The following CNPY1 variants were observed in gnomAD, a reference collection of about 807,000 sequenced individuals.
CNPY1 encodes canopy FGF signaling regulator 1.
In CNPY1, 14 loss-of-function variants were observed where a neutral mutation model predicts 14.4. That is an observed-to-expected ratio of 0.97 (90% CI 0.64 to 1.52). The LOEUF is 1.52. Ranked by LOEUF, CNPY1 falls within the 40% of genes most tolerant of loss-of-function variation. The pLI, the probability that CNPY1 is intolerant of heterozygous loss-of-function variation, is 0.00. For missense variants in CNPY1, 129 were observed against 131.5 expected (o/e 0.98, Z 0.09); for synonymous variants, 43 against 46.5 (o/e 0.92, Z 0.31).
rs1797020356 is a variant in CNPY1, at chr7:155,536,126, A to G, written c.99+9705T>C. ...CCTGGCGGGGTCAGAGGCAGTGGGG[A>G]TCCAGGTGCCATTTGAAATGGGATG... On this transcript the variant is annotated intron_variant, in intron 2 of 4. Coordinates refer to ENST00000636446, the MANE Select transcript of CNPY1 (RefSeq NM_001393663.1). This position sits in a 1 kb window ranked among gnomAD's most constrained non-coding sequence, Gnocchi z 4.1. 1.3e-5 allele frequency among the ~76,000 whole-genome samples: 2 copies of G among 152,042 alleles called. No individual in the cohort carries two copies. Among genetic ancestry groups the G allele is most frequent in the South Asian group, 4.2e-4 (2 of 4,808 alleles).
At chr7:155,538,248 C>T (rs1273660287) in intron 2 of CNPY1, among the ~76,000 whole-genome samples, 2 of 152,226 alleles carry the variant, frequency 1.3e-5, no homozygotes, top group African/African-American at 4.8e-5. Flanking sequence ...GGGGTGATCC[C>T]TGAAACTCCT....
At chr7:155,523,776 A>G (rs1360094584) in intron 2 of CNPY1, among the ~76,000 whole-genome samples, 1 of 152,212 alleles carries the variant, frequency 6.6e-6, no homozygotes, top group Non-Finnish European at 1.5e-5. Flanking sequence ...ATGTGACCTT[A>G]TTCAGAAAAA....
chr7:155,535,559 A>G (rs933244077), intron 2 of CNPY1, among the ~76,000 whole-genome samples: 1 of 152,208 alleles, frequency 6.6e-6, no homozygotes, highest in Non-Finnish European at 1.5e-5. Context: ...GAAGCCGGGA[A>G]TGAACAGAGC....
intron 2 of CNPY1, among the ~76,000 whole-genome samples, chr7:155,531,903 G>A (rs537628071): frequency 7.2e-5 from 11 of 152,180 alleles, no homozygotes; most frequent in South Asian, 2.1e-4. Context: ...CTGTCAGCCC[G>A]GAAGCAACAG....
At chr7:155,526,457 G>T (rs772891273) in intron 2 of CNPY1, among the ~76,000 whole-genome samples, 2 of 152,154 alleles carry the variant, frequency 1.3e-5, no homozygotes, top group Non-Finnish European at 2.9e-5. Context: ...AGGAGCCACC[G>T]CACACAGATC....
At chr7:155,517,255 G>A (rs1035606896) in intron 2 of CNPY1, among the ~76,000 whole-genome samples, 18 of 152,102 alleles carry the variant, frequency 1.2e-4, no homozygotes, top group African/African-American at 2.9e-4. Flanking sequence ...TTAGGAAACC[G>A]ACACGCACAG....
rs1554446764 is a variant in CNPY1 at position 155,502,011 on chromosome 7, G to GGC, written c.*1056_*1057insGC. 2 of 146,626 alleles carry GGC rather than the reference G, an allele frequency of 1.4e-5. No homozygotes were observed. The highest frequency in any genetic ancestry group is 5.0e-5 in the African/African-American group (2 of 40,082). 9.1% of individuals were successfully genotyped at this position (146,626 alleles called of 1,614,324 possible). On this transcript the variant is annotated 3_prime_UTR_variant, in exon 5 of 5. Transcript: ENST00000636446. ...TTTTGGGTCGGGGGGGTTGGGGGGG[G>GGC]GATTTGTAGCATCCTACCCACTTGA... is the stretch of plus-strand genomic sequence containing the variant.
chr7:155,519,114 T>C (rs968341050), intron 2 of CNPY1, among the ~76,000 whole-genome samples: 3 of 152,126 alleles, frequency 2.0e-5, no homozygotes, highest in African/African-American at 7.2e-5. Context: ...AGCGAACACC[T>C]GGAGTGTTTG....
rs751620663 is a variant in CNPY1 at position 155,536,219 on chromosome 7, A to G, written c.99+9612T>C. 1.9e-4 allele frequency among the ~76,000 whole-genome samples: 29 copies of G among 152,066 alleles called. No individual in the cohort carries two copies. The highest frequency in any genetic ancestry group is 4.3e-4 in the Non-Finnish European group (29 of 68,004). On this transcript the variant is annotated intron_variant, in intron 2 of 4. Coordinates refer to ENST00000636446, the MANE Select transcript of CNPY1 (RefSeq NM_001393663.1). The surrounding 1 kb of genome is among the most constrained non-coding windows in gnomAD (Gnocchi z 4.1). ...CATTACCTGTGGTTACCTGGAGTGA[A>G]GTCCCCAGGGAAGGGGAGGCTGTGG... is the stretch of plus-strand genomic sequence containing the variant.
intron 2 of CNPY1, among the ~76,000 whole-genome samples, chr7:155,527,062 T>TTCTTTCTTTCTTTCTTTC (rs1257674119): frequency 1.2e-4 from 2 of 16,352 alleles, no homozygotes; most frequent in Admixed American, 7.3e-4. Flanking sequence ...TTCTTTTTTT[T>TTCTTTCTTTCTTTCTTTC]TTTTTTTTTG....
intron 2 of CNPY1, among the ~76,000 whole-genome samples, chr7:155,543,612 TC>T (rs1797126372): frequency 6.6e-6 from 1 of 151,722 alleles, no homozygotes; most frequent in African/African-American, 2.4e-5. Flanking sequence ...CGTGAGGGGG[TC>T]ACTCTGCTGT....
chr7:155,541,969 T>C (rs533793663), intron 2 of CNPY1, among the ~76,000 whole-genome samples: 1 of 125,170 alleles, frequency 8.0e-6, no homozygotes, highest in Non-Finnish European at 1.6e-5. Context: ...AACACTAGAG[T>C]GGAGGGGAAG....
At chr7:155,535,402 A>G (rs1017592191) in intron 2 of CNPY1, among the ~76,000 whole-genome samples, 2 of 152,338 alleles carry the variant, frequency 1.3e-5, no homozygotes, top group East Asian at 1.9e-4. Context: ...ATGAATCATG[A>G]TCCAGAGATG....
chr7:155,540,770 C>CT lies in CNPY1; in HGVS notation c.99+5060dup, dbSNP rs555216573. ...TGACTGGAGCTCGGAGGTTCAAAAT[C>CT]TAAAAGCAAATGTGAGCCCCTCGAC... On this transcript the variant is annotated intron_variant, in intron 2 of 4. Coordinates refer to ENST00000636446, the MANE Select transcript of CNPY1 (RefSeq NM_001393663.1). Among the ~76,000 whole-genome samples, 5 of 152,314 alleles carry CT rather than the reference C, an allele frequency of 3.3e-5. No homozygotes were observed. The East Asian group carries it at 9.6e-4, about 29-fold the overall frequency.
intron 2 of CNPY1, among the ~76,000 whole-genome samples, chr7:155,518,795 C>A (rs1002101294): frequency 1.3e-5 from 2 of 152,194 alleles, no homozygotes; most frequent in Non-Finnish European, 2.9e-5. Flanking sequence ...CGGGGTCTCA[C>A]CCTGCAGGAC....
rs1305023500 is a variant in CNPY1, at chr7:155,503,085, TAGC to T, written c.418_420del (p.Ala140del). 1.9e-6 allele frequency: 3 copies of T among 1,605,686 alleles called. No homozygotes were observed. The African/African-American group carries it at 4.1e-5, about 22-fold the overall frequency. On this transcript the variant is annotated inframe_deletion, in exon 5 of 5. Coordinates refer to ENST00000636446, the MANE Select transcript of CNPY1 (RefSeq NM_001393663.1). ...CGGCACTCCTAGAGCTCAGTATGAT[TAGC>T]AGAAGTTTCACACAGATCTGGAAAA...
At chr7:155,509,225 G>A (rs938232940) in intron 2 of CNPY1, 128 bp from the exon 3 acceptor site, 1 of 559,170 alleles carries the variant, frequency 1.8e-6, no homozygotes, top group Admixed American at 3.6e-5. Context: ...CCTAGCACGG[G>A]CCCAGAAGAC....
chr7:155,517,935 C>T lies in CNPY1; in HGVS notation c.100-8838G>A, dbSNP rs761810197. Among the ~76,000 whole-genome samples, 5 of 152,302 alleles carry T rather than the reference C, an allele frequency of 3.3e-5. No homozygotes were observed. In the East Asian group the frequency reaches 9.6e-4, roughly 29 times the overall value. ...CCATCATTGTCTTAGATCTTAAACA[C>T]CTTTAAAGTGGCAGGCATTTAAGCA... is the stretch of plus-strand genomic sequence containing the variant. On this transcript the variant is annotated intron_variant, in intron 2 of 4. Transcript: ENST00000636446.
chr7:155,532,616 G>A (rs1238263688), intron 2 of CNPY1, among the ~76,000 whole-genome samples: 5 of 150,212 alleles, frequency 3.3e-5, no homozygotes, highest in East Asian at 2.0e-4. Flanking sequence ...GCGAGACTCC[G>A]TCTCAAAAAT....
Sources: gnomAD v4.1 joint callset for allele counts (sites outside exome capture counted in the v4.1 genomes callset) on GRCh38, gnomAD v4.1.1 for gene constraint, Gnocchi (gnomAD v3.1) non-coding constraint, MANE v1.5 for transcripts, NCBI Gene and HGNC (gene_info 2026-07-23, HGNC 2026-07-21) for gene names.